PRKCD: variants seen among roughly 807,000 people sequenced by gnomAD.
The protein encoded by PRKCD is protein kinase C delta, also known as protein kinase C delta type.
In PRKCD, 20 loss-of-function variants were observed where a neutral mutation model predicts 82.2. That is an observed-to-expected ratio of 0.24 (90% CI 0.17 to 0.35). The LOEUF (loss-of-function observed/expected upper bound fraction) is 0.35, where lower values mean the gene tolerates loss of function less well. Ranked by LOEUF, PRKCD falls within the 10% of genes least tolerant of loss-of-function variation. PRKCD has a pLI of 1.00. For missense variants in PRKCD, 607 were observed against 899.0 expected, an observed-to-expected ratio of 0.68 and a Z score of 4.15; for synonymous variants, 317 against 337.0, an observed-to-expected ratio of 0.94 and a Z score of 0.65.
At chr3:53,170,039 C>G (rs895868027) in intron 2 of PRKCD, among the ~76,000 whole-genome samples, 27 of 152,220 alleles carry the variant, frequency 1.8e-4, no homozygotes, top group African/African-American at 6.5e-4. Context: ...GTGGATCCTG[C>G]CCAGATCCTG....
chr3:53,183,625 G>T, intron 9 of PRKCD, 44 bp downstream of exon 9: 1 of 1,604,876 alleles, frequency 6.2e-7, no homozygotes. Context: ...GGCACTCCCA[G>T]CTGGTGCTGC....
At chr3:53,182,091 G>A in intron 7 of PRKCD, 1 of 426,644 alleles carries the variant, frequency 2.3e-6, no homozygotes, top group Non-Finnish European at 4.6e-6. Context: ...GTGCTTCTGT[G>A]TAGATGTGGG....
At chr3:53,175,281 G>A in intron 2 of PRKCD, among the ~76,000 whole-genome samples, 1 of 152,332 alleles carries the variant, frequency 6.6e-6, no homozygotes. Context: ...CGGAATGGAT[G>A]CGGTGGGGGA....
chr3:53,187,291 G>A (rs782046984), intron 14 of PRKCD, 49 bp from the exon 15 acceptor site: 3 of 1,607,564 alleles, frequency 1.9e-6, no homozygotes, highest in Admixed American at 3.3e-5. Context: ...GAGAAGCAGA[G>A]GCTGCTCGGC....
intron 5 of PRKCD, 85 bp from the exon 6 acceptor site, chr3:53,181,359 C>T (rs753715006): frequency 9.8e-5 from 157 of 1,607,356 alleles, no homozygotes; most frequent in Non-Finnish European, 1.3e-4. Context: ...TTCGGCAGAG[C>T]TGTCCAGGAC....
At chr3:53,181,330 G>A in intron 5 of PRKCD, 63 bp downstream of exon 5, 1 of 1,608,838 alleles carries the variant, frequency 6.2e-7, no homozygotes, top group Admixed American at 1.7e-5. Flanking sequence ...CAGCACTGAG[G>A]TGTAGGGAAG....
intron 1 of PRKCD, among the ~76,000 whole-genome samples, chr3:53,163,424 C>T (rs1702739255): frequency 6.6e-6 from 1 of 151,718 alleles, no homozygotes; most frequent in African/African-American, 2.4e-5. Context: ...TGGGTGTGCA[C>T]ATGGAGAGGG....
intron 1 of PRKCD, among the ~76,000 whole-genome samples, chr3:53,161,769 C>G (rs1702668567): frequency 6.6e-6 from 1 of 151,858 alleles, no homozygotes; most frequent in African/African-American, 2.4e-5. Context: ...GTGTTCTCCC[C>G]CTGCGCGCCT....
intron 2 of PRKCD, among the ~76,000 whole-genome samples, chr3:53,172,889 T>C (rs1358642004): frequency 6.6e-6 from 1 of 152,056 alleles, no homozygotes; most frequent in Non-Finnish European, 1.5e-5. Context: ...CTGTGGCCTG[T>C]GAGGCAGAAT....
rs2230494 is a variant in PRKCD, at chr3:53,186,199, G to C, written c.1119G>C (p.Glu373Asp). ...VLLGELKGRG[E>D]YFAIKALKKD... ...TTGGAGAGCTGAAGGGCAGAGGAGA[G>C]TACTTTGCCATCAAGGCCCTCAAGA... The change falls in exon 13 of 19, where the codon GAG becomes GAC. Residue 373 changes from glutamate to aspartate, a missense_variant. By Grantham distance (45) the Glu-to-Asp change is conservative (BLOSUM62 2). Transcript: ENST00000330452. 6.2e-7 allele frequency: 1 copy of C among 1,613,742 alleles called. No individual in the cohort carries two copies. Among genetic ancestry groups the C allele is most frequent in the Non-Finnish European group, 8.5e-7 (1 of 1,179,828 alleles).
intron 13 of PRKCD, 112 bp from the exon 14 acceptor site, chr3:53,186,492 C>G (rs1278366755): frequency 7.2e-7 from 1 of 1,385,814 alleles, no homozygotes; most frequent in East Asian, 2.3e-5. Context: ...AGTCGTCCAC[C>G]TCAGCCAGGG....
At chr3:53,185,459 G>T (rs1553668778) in intron 10 of PRKCD, 145 bp from the exon 11 acceptor site, 2 of 683,284 alleles carry the variant, frequency 2.9e-6, no homozygotes, top group Non-Finnish European at 5.1e-6. Flanking sequence ...GTGTGTACAC[G>T]CAGCCCGAGT....
intron 5 of PRKCD, 45 bp from the exon 6 acceptor site, chr3:53,181,399 C>T (rs782144041): frequency 6.2e-7 from 1 of 1,613,268 alleles, no homozygotes; most frequent in South Asian, 1.1e-5. Flanking sequence ...GGGGTGCCAC[C>T]CCTTCCAGAT....
chr3:53,162,424 C>T (rs765261100), intron 1 of PRKCD, among the ~76,000 whole-genome samples: 5 of 152,114 alleles, frequency 3.3e-5, no homozygotes, highest in Non-Finnish European at 7.4e-5. Flanking sequence ...TGTGAGTGGG[C>T]GGGGGGTCCC....
chr3:53,185,072 T>G (rs1415276418), intron 10 of PRKCD, 98 bp downstream of exon 10: 2 of 1,096,012 alleles, frequency 1.8e-6, no homozygotes, highest in East Asian at 4.9e-5. Flanking sequence ...AGCCAGGATA[T>G]ATTTAGACCC....
intron 11 of PRKCD, 52 bp from the exon 12 acceptor site, chr3:53,185,875 G>A (rs1703659476): frequency 6.3e-7 from 1 of 1,596,052 alleles, no homozygotes. Flanking sequence ...CCGGGGGAGG[G>A]GAGTTGTGTA....
chr3:53,179,523 G>A (rs782377859), intron 3 of PRKCD, 54 bp from the exon 4 acceptor site: 4 of 1,608,644 alleles, frequency 2.5e-6, no homozygotes, highest in African/African-American at 1.3e-5. Flanking sequence ...GGAGGTCTAC[G>A]AGGGAGGGAC....
chr3:53,185,004 CAG>C, intron 10 of PRKCD, 30 bp downstream of exon 10: 1 of 1,591,550 alleles, frequency 6.3e-7, no homozygotes, highest in Non-Finnish European at 8.6e-7. Flanking sequence ...ACCCTGGACA[CAG>C]GGCAGTGGGG....
At chr3:53,173,999 A>G (rs543780578) in intron 2 of PRKCD, among the ~76,000 whole-genome samples, 49 of 152,302 alleles carry the variant, frequency 3.2e-4, no homozygotes, top group African/African-American at 1.1e-3. Flanking sequence ...CATACTGGAA[A>G]GGACCTGGGC....
Sources: gnomAD v4.1 joint callset for allele counts (sites outside exome capture counted in the v4.1 genomes callset) on GRCh38, gnomAD v4.1.1 for gene constraint, MANE v1.5 for transcripts, NCBI Gene and HGNC (gene_info 2026-07-23, HGNC 2026-07-21) for gene names.